Variants in SPEF2 observed in about 807,000 individuals in gnomAD.
SPEF2 encodes sperm flagellar and cilia associated 2.
SPEF2 carries 187 observed loss-of-function variants against 224.6 expected under a neutral mutation model. The ratio of observed to expected loss-of-function variants is 0.83; its 90% CI spans 0.74 to 0.94. The LOEUF is 0.94. Ranked by LOEUF, SPEF2 falls within the 40% of genes least tolerant of loss-of-function variation. SPEF2 has a pLI of 0.00. For synonymous variants in SPEF2, 715 were observed against 707.3 expected, an observed-to-expected ratio of 1.01 and a Z score of -0.17; for missense variants, 2,170 against 2,135.6, an observed-to-expected ratio of 1.02 and a Z score of -0.32.
intron 30 of SPEF2, chr5:35,788,114 A>G: frequency 1.4e-6 from 1 of 702,996 alleles, no homozygotes. Context: ...TGAATTTCTC[A>G]ATGCACATCA....
chr5:35,728,875 T>G (rs11949908), intron 21 of SPEF2, among the ~76,000 whole-genome samples: 2,839 of 151,976 alleles, frequency 0.019, 53 homozygotes, highest in East Asian at 0.065. Context: ...TATACTAATA[T>G]TAATATATAT....
chr5:35,778,247 T>C (rs1226479744), intron 29 of SPEF2, among the ~76,000 whole-genome samples: 1 of 152,200 alleles, frequency 6.6e-6, no homozygotes, highest in Non-Finnish European at 1.5e-5. Flanking sequence ...ATAATGCACT[T>C]ATTCATGTAT....
In SPEF2 at chr5:35,793,313, G is replaced by A. The variant is rs1561374781; in HGVS notation, c.4709G>A (p.Gly1570Asp). ...KFKAVDKEQLGTITFEQYMQA... is the reference protein window; with the variant it reads ...KFKAVDKEQLDTITFEQYMQA... ...AAGGCTGTGGATAAGGAGCAGTTGG[G>A]CACCATCACTTTTGAGCAGTATATG... Residue 1570 changes from glycine (G) to aspartate (D), a missense_variant, in exon 32 of 37, where the codon GGC becomes GAC. Transcript: ENST00000356031. The A allele has an allele frequency of 6.2e-7, 1 of 1,613,668 alleles. No homozygotes were observed. Among genetic ancestry groups the A allele is most frequent in the South Asian group, 1.1e-5 (1 of 91,004 alleles).
At chr5:35,626,333 A>G (rs1744249368) in intron 1 of SPEF2, among the ~76,000 whole-genome samples, 1 of 152,212 alleles carries the variant, frequency 6.6e-6, no homozygotes, top group Non-Finnish European at 1.5e-5. Context: ...TCTGCCCTGA[A>G]TAGTTTTAAA....
At chr5:35,813,523 T>C (rs1758664549) in intron 36 of SPEF2, among the ~76,000 whole-genome samples, 1 of 152,156 alleles carries the variant, frequency 6.6e-6, no homozygotes, top group Non-Finnish European at 1.5e-5. Flanking sequence ...GGAAGAATTA[T>C]ACTGGGTAAG....
chr5:35,740,021 G>A lies in SPEF2; in HGVS notation c.3166G>A (p.Val1056Met). The change falls in exon 22 of 37, where the codon GTG becomes ATG. Residue 1056 changes from valine to methionine, a missense_variant. Physicochemically the swap from Val to Met is conservative, Grantham distance 21. Coordinates refer to ENST00000356031, the MANE Select transcript of SPEF2 (RefSeq NM_024867.4). ...LRHLREDQHT[V>M]LAYLYEIRTS... ...GCATCTGAGGGAAGACCAGCATACT[G>A]TGCTTGCTTACTTATATGAGATTAG... is the stretch of plus-strand genomic sequence containing the variant. 2 of 1,614,114 alleles carry A rather than the reference G, an allele frequency of 1.2e-6. No individual in the cohort carries two copies. The highest frequency in any genetic ancestry group is 1.7e-6 in the Non-Finnish European group (2 of 1,180,010).
intron 29 of SPEF2, among the ~76,000 whole-genome samples, chr5:35,776,884 A>G (rs1215816965): frequency 6.6e-6 from 1 of 152,126 alleles, no homozygotes; most frequent in Non-Finnish European, 1.5e-5. Context: ...GACTTCCCAG[A>G]CCTTTGTTGC....
chr5:35,769,377 T>C (rs1752486384), intron 26 of SPEF2, among the ~76,000 whole-genome samples: 1 of 148,226 alleles, frequency 6.7e-6, no homozygotes, highest in African/African-American at 2.5e-5. Flanking sequence ...GGGCATCTGA[T>C]AAAAAAAAGA....
intron 1 of SPEF2, among the ~76,000 whole-genome samples, chr5:35,624,274 C>T (rs1352670187): frequency 6.6e-6 from 1 of 152,170 alleles, no homozygotes; most frequent in Non-Finnish European, 1.5e-5. Flanking sequence ...AGATTAGAGG[C>T]AGGGTTGAGT....
intron 14 of SPEF2, among the ~76,000 whole-genome samples, chr5:35,697,435 A>G (rs896666067): frequency 6.6e-6 from 1 of 152,118 alleles, no homozygotes; most frequent in Non-Finnish European, 1.5e-5. Context: ...GATTTAAGGT[A>G]TTAGAGAATT....
Position 35,773,902 on chromosome 5 carries a change from C to T in SPEF2, c.3959C>T (p.Pro1320Leu). The change falls in exon 28 of 37, where the codon CCA becomes CTA. Residue 1320 changes from proline (P) to leucine (L), a missense_variant. Transcript: ENST00000356031. The part of the protein sequence containing the change: ...QEDKKPKGKS[P>L]PMAEATPVIV... The stretch of plus-strand genomic sequence containing the variant: ...TTCATTGCCCTTTCAGGTAAATCAC[C>T]ACCTATGGCAGAAGCAACTCCTGTC... 6.2e-7 allele frequency: 1 copy of T among 1,611,188 alleles called. No individual in the cohort carries two copies. The highest frequency in any genetic ancestry group is 8.5e-7 in the Non-Finnish European group (1 of 1,178,898).
Position 35,618,063 on chromosome 5 carries a change from A to G in SPEF2, c.58+8A>G, listed in dbSNP as rs746177667. ...AGGTGTCCCGGACCGTGAGTGAGTG[A>G]CCACGGCCAGGGGCGAGCGTCTGAG... On this transcript the variant is annotated splice_region_variant and intron_variant, in intron 1 of 36. Transcript: ENST00000356031. The G allele has an allele frequency of 4.4e-6, 7 of 1,579,404 alleles. No individual in the cohort carries two copies. Among genetic ancestry groups the G allele is most frequent in the Non-Finnish European group, 6.0e-6 (7 of 1,159,908 alleles).
intron 23 of SPEF2, among the ~76,000 whole-genome samples, chr5:35,744,941 C>T (rs1425875265): frequency 6.6e-6 from 1 of 152,122 alleles, no homozygotes; most frequent in Non-Finnish European, 1.5e-5. Flanking sequence ...ACTGCTCCTG[C>T]GGGACCTGGG....
intron 1 of SPEF2, 61 bp downstream of exon 1, chr5:35,618,116 G>A (rs1403713698): frequency 1.3e-6 from 2 of 1,519,208 alleles, no homozygotes; most frequent in East Asian, 2.4e-5. Flanking sequence ...AGCCTGCAGC[G>A]CAGCGCAGCG....
intron 34 of SPEF2, among the ~76,000 whole-genome samples, chr5:35,801,346 T>A (rs1757395912): frequency 6.6e-6 from 1 of 152,222 alleles, no homozygotes; most frequent in African/African-American, 2.4e-5. Context: ...TGAAACCCCA[T>A]CTCTACTGAA....
intron 10 of SPEF2, among the ~76,000 whole-genome samples, chr5:35,676,733 G>GA (rs34981301): frequency 0.026 from 3,835 of 147,308 alleles, 126 homozygotes; most frequent in African/African-American, 0.071. Flanking sequence ...TGACTCAAAA[G>GA]AAAAAAAAAA....
In SPEF2 at chr5:35,697,801, T is replaced by C; in HGVS notation, c.2141+8T>C. 6.3e-7 allele frequency: 1 copy of C among 1,589,596 alleles called. No homozygotes were observed. Among genetic ancestry groups the C allele is most frequent in the Non-Finnish European group, 8.6e-7 (1 of 1,160,698 alleles). On this transcript the variant is annotated splice_region_variant and intron_variant, in intron 15 of 36. Transcript: ENST00000356031. ...CATAGTAAATGCTATTAAGTATGTA[T>C]TGCATTTTTCTTCCTCTCATCTATT...
intron 10 of SPEF2, among the ~76,000 whole-genome samples, chr5:35,677,730 A>G (rs1752221087): frequency 6.6e-6 from 1 of 152,166 alleles, no homozygotes; most frequent in African/African-American, 2.4e-5. Context: ...GCTAATCAGA[A>G]GCCCCTACCT....
intron 16 of SPEF2, among the ~76,000 whole-genome samples, chr5:35,703,931 C>G (rs1462147105): frequency 1.3e-5 from 2 of 152,068 alleles, no homozygotes; most frequent in Admixed American, 1.3e-4. Flanking sequence ...TTCTTTTAAT[C>G]TAGTTCAAGG....
Sources: gnomAD v4.1 joint callset for allele counts (sites outside exome capture counted in the v4.1 genomes callset) on GRCh38, gnomAD v4.1.1 for gene constraint, MANE v1.5 for transcripts, NCBI Gene and HGNC (gene_info 2026-07-23, HGNC 2026-07-21) for gene names.